The following ZNF333 variants were observed in gnomAD, a reference collection of about 807,000 sequenced individuals.
ZNF333 encodes the protein zinc finger protein 333.
Under a neutral mutation model 76.1 loss-of-function variants are expected in ZNF333, and 61 were observed. That is an observed-to-expected ratio of 0.80 (90% CI 0.65 to 0.99). The LOEUF is 0.99. ZNF333 is among the 50% of genes least tolerant of loss of function. The pLI is 0.00. For synonymous variants in ZNF333, 284 were observed against 305.0 expected, an observed-to-expected ratio of 0.93 and a Z score of 0.72; for missense variants, 717 against 822.4, an observed-to-expected ratio of 0.87 and a Z score of 1.57.
At chr19:14,731,231 C>T (rs752432012) in exon 12 of ZNF333, 104 of 1,519,006 alleles carry the variant, frequency 6.8e-5, no homozygotes, top group African/African-American at 2.5e-4. Flanking sequence ...ATGTTCAGAT[C>T]GCTAGAATCC....
rs2042636043 is a variant in ZNF333, at chr19:14,726,922, T to C, written c.901-4253T>C. ...CTTCCAACTTCTGCCTGTTACACAG[T>C]TCTAAAGCTGCTTTCACATTTTCAG... On this transcript the variant is annotated intron_variant, in intron 11 of 11. Coordinates refer to the ZNF333 transcript ENST00000540689. 1.3e-5 allele frequency among the ~76,000 whole-genome samples: 2 copies of C among 152,158 alleles called. 1 individual carries two copies. The highest frequency in any genetic ancestry group is 4.1e-4 in the South Asian group (2 of 4,832).
At chr19:14,709,674 A>G (rs994148564) in intron 7 of ZNF333, among the ~76,000 whole-genome samples, 2 of 152,214 alleles carry the variant, frequency 1.3e-5, no homozygotes, top group African/African-American at 4.8e-5. Flanking sequence ...ATGCCCTTAC[A>G]AGAAGAGGAA....
chr19:14,700,393 A>G (rs1973591977), intron 5 of ZNF333: 1 of 152,104 alleles, frequency 6.6e-6, no homozygotes, highest in African/African-American at 2.4e-5. Flanking sequence ...GAGGCAGGAA[A>G]TGTTTCTGGA....
Position 14,718,680 on chromosome 19 carries a change from G to C in ZNF333, c.1353G>C (p.Glu451Asp). Residue 451 changes from glutamate to aspartate, a missense_variant, in exon 12 of 12, where the codon GAG (glutamate) becomes GAC (aspartate). Transcript: ENST00000292530. ...QRNHTGEKPY[E>D]CKDCGKAFNQ... ...ACCACACAGGAGAGAAGCCCTACGA[G>C]TGTAAAGATTGTGGGAAAGCCTTCA... 6.2e-7 allele frequency: 1 copy of C among 1,614,010 alleles called. No individual in the cohort carries two copies. Among genetic ancestry groups the C allele is most frequent in the Non-Finnish European group, 8.5e-7 (1 of 1,180,014 alleles).
downstream of ZNF333, among the ~76,000 whole-genome samples, chr19:14,723,881 G>A (rs141882240): frequency 7.5e-3 from 1,147 of 152,294 alleles, 6 homozygotes; most frequent in African/African-American, 0.026. Flanking sequence ...ATGGGATGGA[G>A]ATGAAATAGC....
At chr19:14,702,395 C>T (rs2041982359) in intron 5 of ZNF333, among the ~76,000 whole-genome samples, 1 of 152,172 alleles carries the variant, frequency 6.6e-6, no homozygotes, top group Non-Finnish European at 1.5e-5. Flanking sequence ...GTGGTGTGCA[C>T]CTGTAGTTCA....
Position 14,719,468 on chromosome 19 carries a change from C to A in ZNF333, c.*143C>A. 8.9e-7 allele frequency: 1 copy of A among 1,123,298 alleles called. No homozygotes were observed. Among genetic ancestry groups the A allele is most frequent in the Non-Finnish European group, 1.2e-6 (1 of 822,624 alleles). The allele number at this position is 1,123,298 out of a possible 1,614,324, so 69.6% of individuals were successfully genotyped here. On this transcript the variant is annotated 3_prime_UTR_variant, in exon 12 of 12. Coordinates refer to ENST00000292530, the MANE Select transcript of ZNF333 (RefSeq NM_032433.4). ...GTCTTAACCTCCATTATCGTTTATT[C>A]TTTGACCCATCTATTATTTGGAATT...
At chr19:14,706,295 G>A (rs975089213) in intron 6 of ZNF333, 2 of 388,180 alleles carry the variant, frequency 5.2e-6, no homozygotes, top group East Asian at 7.4e-5. Flanking sequence ...TCCAAGGAGA[G>A]GTCTTCCTCC....
rs769092527 is a variant in ZNF333, at chr19:14,718,544, C to T, written c.1217C>T (p.Ser406Phe). ...GAATGTGGGCAAGCCTTCAAATATT[C>T]CTCGAATCTCCGGCGACACATGAGA... is the stretch of plus-strand genomic sequence containing the variant. The part of the protein sequence containing the change: ...CQECGQAFKY[S>F]SNLRRHMRTH... The change falls in exon 12 of 12, where the codon TCC becomes TTC. Residue 406 changes from serine to phenylalanine, a missense_variant. By Grantham distance (155) the Ser-to-Phe change is radical. Transcript: ENST00000292530. 2.5e-6 allele frequency: 4 copies of T among 1,614,118 alleles called. No homozygotes were observed. The South Asian group carries it at 4.4e-5, about 18-fold the overall frequency.
At chr19:14,706,591 C>T in intron 6 of ZNF333, 95 bp from the exon 7 acceptor site, 1 of 916,058 alleles carries the variant, frequency 1.1e-6, no homozygotes. Context: ...TTCCCCAAAG[C>T]AGGATCAAAT....
chr19:14,702,927 G>A (rs952196894), intron 5 of ZNF333, among the ~76,000 whole-genome samples: 6 of 152,086 alleles, frequency 3.9e-5, no homozygotes, highest in African/African-American at 7.2e-5. Flanking sequence ...GATCGTGGCC[G>A]GGCGTGGTGG....
downstream of ZNF333, among the ~76,000 whole-genome samples, chr19:14,725,233 A>G (rs1002028771): frequency 6.6e-6 from 1 of 152,180 alleles, no homozygotes; most frequent in Non-Finnish European, 1.5e-5. Flanking sequence ...TGACAGCACC[A>G]TGGGGATGAC....
chr19:14,705,405 G>A (rs2042080204), intron 6 of ZNF333, among the ~76,000 whole-genome samples: 1 of 152,152 alleles, frequency 6.6e-6, no homozygotes, highest in Non-Finnish European at 1.5e-5. Context: ...TTGGACTGTA[G>A]GCCCTGCCTT....
At chr19:14,691,632 A>C (rs553047846) in intron 1 of ZNF333, among the ~76,000 whole-genome samples, 1 of 150,476 alleles carries the variant, frequency 6.6e-6, no homozygotes, top group South Asian at 2.1e-4. Context: ...AAAGACAGGC[A>C]CTTTAAGTTA....
chr19:14,715,654 C>T (rs1208513693), intron 8 of ZNF333, among the ~76,000 whole-genome samples, 184 bp downstream of exon 8: 1 of 152,196 alleles, frequency 6.6e-6, no homozygotes, highest in South Asian at 2.1e-4. Flanking sequence ...TTCAGACCCT[C>T]CCCAGGCTGC....
chr19:14,725,154 C>T (rs995081486), downstream of ZNF333, among the ~76,000 whole-genome samples: 3 of 152,004 alleles, frequency 2.0e-5, no homozygotes, highest in Admixed American at 6.6e-5. Context: ...AGAATGGGAG[C>T]GAGCAGGCAG....
At chr19:14,715,340 A>G in intron 7 of ZNF333, 42 bp from the exon 8 acceptor site, 1 of 1,584,642 alleles carries the variant, frequency 6.3e-7, no homozygotes, top group East Asian at 2.2e-5. Context: ...TGTGCCCAGT[A>G]GGCCAGGCAC....
In ZNF333 at chr19:14,693,378, T is replaced by A. The variant is rs958227804; in HGVS notation, c.-41-73T>A. On this transcript the variant is annotated intron_variant, in intron 1 of 11. Transcript: ENST00000292530. ...GTAAGGGTTTTGATTGTGACCACTC[T>A]GCTGGAGATCCCCCAAAATGCTCTG... 2.4e-6 allele frequency: 3 copies of A among 1,238,646 alleles called. No homozygotes were observed. In the African/African-American group the frequency reaches 4.4e-5, roughly 18 times the overall value. The allele number at this position is 1,238,646 out of a possible 1,614,324, so 76.7% of individuals were successfully genotyped here.
chr19:14,692,458 A>G (rs1972843635), intron 1 of ZNF333, among the ~76,000 whole-genome samples: 1 of 152,186 alleles, frequency 6.6e-6, no homozygotes, highest in African/African-American at 2.4e-5. Flanking sequence ...TGGATGAGCC[A>G]GGTGAGAGAG....
Sources: gnomAD v4.1 joint callset for allele counts (sites outside exome capture counted in the v4.1 genomes callset) on GRCh38, gnomAD v4.1.1 for gene constraint, MANE v1.5 for transcripts, NCBI Gene and HGNC (gene_info 2026-07-23, HGNC 2026-07-21) for gene names.